Variants in CDYL observed in about 807,000 individuals in gnomAD.
CDYL encodes chromodomain Y-like protein.
Under a neutral mutation model 47.3 loss-of-function variants are expected in CDYL, and 8 were observed. The ratio of observed to expected loss-of-function variants is 0.17; its 90% CI spans 0.10 to 0.31. CDYL has a LOEUF of 0.31. CDYL is among the 10% of genes least tolerant of loss of function. The pLI is 1.00. For synonymous variants in CDYL, 266 were observed against 265.0 expected (o/e 1.00, Z -0.04); for missense variants, 471 against 701.4 (o/e 0.67, Z 3.71).
intron 1 of CDYL, among the ~76,000 whole-genome samples, chr6:4,802,227 T>C (rs189918566): frequency 6.8e-6 from 1 of 147,296 alleles, no homozygotes; most frequent in Non-Finnish European, 1.5e-5. Context: ...AATACTACCT[T>C]TAGATCATTG....
rs1285120221 is a variant in CDYL at position 4,713,592 on chromosome 6, T to TA, written c.-38-2149_-38-2148insA. Among the ~76,000 whole-genome samples the TA allele has an allele frequency of 3.9e-3, 591 of 150,750 alleles. 1 individual carries two copies. The highest frequency in any genetic ancestry group is 6.4e-3 in the Non-Finnish European group (433 of 67,546). ...TAAAACTTCTATCATTTAGATTCTTTTTTTTTTTTTTTGGAGACAGAATCT... is the reference window on the plus strand; with the variant it reads ...TAAAACTTCTATCATTTAGATTCTTTATTTTTTTTTTTTGGAGACAGAATCT... On this transcript the variant is annotated intron_variant, in intron 1 of 8. Transcript: ENST00000328908.
At chr6:4,953,690 C>A (rs970657937) in intron 6 of CDYL, among the ~76,000 whole-genome samples, 1 of 152,122 alleles carries the variant, frequency 6.6e-6, no homozygotes, top group Non-Finnish European at 1.5e-5. Context: ...TGAAATAAGC[C>A]GTTTTGAAGT....
intron 3 of CDYL, among the ~76,000 whole-genome samples, chr6:4,759,457 C>T (rs974639304): frequency 6.6e-6 from 1 of 152,066 alleles, no homozygotes; most frequent in African/African-American, 2.4e-5. Flanking sequence ...TTTTACTATA[C>T]AGATATACCA....
At chr6:4,949,668 T>C (rs1165112897) in intron 5 of CDYL, among the ~76,000 whole-genome samples, 1 of 152,250 alleles carries the variant, frequency 6.6e-6, no homozygotes, top group Non-Finnish European at 1.5e-5. Flanking sequence ...CGCCTGCATC[T>C]GTGTGAATCG....
intron 1 of CDYL, among the ~76,000 whole-genome samples, chr6:4,712,551 C>T (rs1757170514): frequency 6.6e-6 from 1 of 152,170 alleles, no homozygotes; most frequent in South Asian, 2.1e-4. Context: ...GGGCACAAGC[C>T]GAAGGACACT....
intron 3 of CDYL, among the ~76,000 whole-genome samples, chr6:4,744,883 C>T (rs948074959): frequency 6.6e-6 from 1 of 151,974 alleles, no homozygotes; most frequent in East Asian, 1.9e-4. Flanking sequence ...TCAACTGTGT[C>T]AACTATTCAG....
intron 1 of CDYL, among the ~76,000 whole-genome samples, chr6:4,815,028 C>G (rs1243224750): frequency 6.6e-6 from 1 of 152,022 alleles, no homozygotes; most frequent in African/African-American, 2.4e-5. Context: ...GGTTTGTGAC[C>G]CTTAGTTTGC....
intron 1 of CDYL, among the ~76,000 whole-genome samples, chr6:4,815,673 C>CTTTT (rs35346944): frequency 1.7e-4 from 19 of 113,648 alleles, no homozygotes; most frequent in African/African-American, 4.9e-4. Flanking sequence ...TGAGATTTCA[C>CTTTT]TTTTTTTTTT....
In CDYL at chr6:4,788,194, A is replaced by G. The variant is rs371031885; in HGVS notation, c.24+11387A>G. On this transcript the variant is annotated intron_variant, in intron 1 of 6. Coordinates refer to ENST00000397588, the MANE Select transcript of CDYL (RefSeq NM_004824.4). ...TGACTTGGGGTTTGGTGAACTGTTT[A>G]AAAAGGCTTTTCAGGCTGGGTGTAG... 6.4e-4 allele frequency among the ~76,000 whole-genome samples: 98 copies of G among 152,194 alleles called. 3 individuals are homozygous for G. In the South Asian group the frequency reaches 0.02, roughly 30 times the overall value.
chr6:4,868,782 TC>T (rs898063494), intron 1 of CDYL, among the ~76,000 whole-genome samples: 2 of 152,222 alleles, frequency 1.3e-5, no homozygotes, highest in African/African-American at 4.8e-5. Context: ...AGTTTTTGCC[TC>T]ATGTATTTTG....
intron 3 of CDYL, among the ~76,000 whole-genome samples, chr6:4,740,563 T>A (rs922647148): frequency 6.6e-6 from 1 of 152,218 alleles, no homozygotes; most frequent in Non-Finnish European, 1.5e-5. Context: ...GCATTGAATC[T>A]AATATACTAA....
intron 2 of CDYL, among the ~76,000 whole-genome samples, chr6:4,923,833 G>A (rs903740121): frequency 4.0e-5 from 6 of 151,508 alleles, no homozygotes; most frequent in Admixed American, 6.6e-5. Flanking sequence ...CCCGGGAGGC[G>A]GAGCTTGCAG....
At chr6:4,948,866 G>A (rs944761569) in intron 5 of CDYL, among the ~76,000 whole-genome samples, 5 of 152,210 alleles carry the variant, frequency 3.3e-5, no homozygotes, top group Non-Finnish European at 5.9e-5. Context: ...AGATGACTTC[G>A]ACAACTCTTG....
At chr6:4,787,701 T>C (rs1043185682) in intron 1 of CDYL, among the ~76,000 whole-genome samples, 1 of 147,276 alleles carries the variant, frequency 6.8e-6, no homozygotes, top group Admixed American at 6.9e-5. Flanking sequence ...GAAAGGCAGC[T>C]GGGAGAGAAG....
Position 4,889,952 on chromosome 6 carries a change from GT to G in CDYL, c.25-1760del. The G allele has an allele frequency of 4.1e-6, 4 of 985,284 alleles. No individual in the cohort carries two copies. The South Asian group carries it at 1.4e-4, about 35-fold the overall frequency. 61.0% of individuals were successfully genotyped at this position (985,284 alleles called of 1,614,324 possible). On this transcript the variant is annotated intron_variant, in intron 1 of 6. Transcript: ENST00000397588. ...TCTGCCTGGGGCCTGGCAGCAGCAGGTCCCCAGGGATGCTGGCCCTGGGGGA... is the reference window on the plus strand; with the variant it reads ...TCTGCCTGGGGCCTGGCAGCAGCAGGCCCCAGGGATGCTGGCCCTGGGGGA...
upstream of CDYL, among the ~76,000 whole-genome samples, chr6:4,772,770 A>C (rs1758355950): frequency 6.6e-6 from 1 of 152,226 alleles, no homozygotes; most frequent in Non-Finnish European, 1.5e-5. Flanking sequence ...AGGATAGAAT[A>C]TGCTTTGGGG....
chr6:4,789,457 G>T (rs1435463445), intron 1 of CDYL, among the ~76,000 whole-genome samples: 1 of 152,084 alleles, frequency 6.6e-6, no homozygotes, highest in Non-Finnish European at 1.5e-5. Flanking sequence ...GTCTTGCTGG[G>T]CCGGTTTTAT....
chr6:4,927,428 C>CATGTGT (rs1554108575), intron 2 of CDYL, among the ~76,000 whole-genome samples: 1 of 142,458 alleles, frequency 7.0e-6, no homozygotes, highest in African/African-American at 2.7e-5. Flanking sequence ...ATTTACTGTA[C>CATGTGT]GTGTGTGTGT....
At chr6:4,744,205 C>A (rs1757847444) in intron 3 of CDYL, among the ~76,000 whole-genome samples, 1 of 152,102 alleles carries the variant, frequency 6.6e-6, no homozygotes, top group Admixed American at 6.6e-5. Flanking sequence ...TATAAAATTG[C>A]TAAATAGCTC....
Sources: allele counts gnomAD v4.1 joint callset (sites outside exome capture counted in the v4.1 genomes callset), GRCh38; gene constraint gnomAD v4.1.1; transcripts MANE v1.5; gene names NCBI Gene and HGNC (gene_info 2026-07-23, HGNC 2026-07-21).